Variants in CLVS1 observed in about 807,000 individuals in gnomAD.
CLVS1 encodes clavesin 1.
A neutral mutation model predicts 33.1 loss-of-function variants in CLVS1; 10 were observed. The ratio of observed to expected loss-of-function variants is 0.30; its 90% CI spans 0.19 to 0.51. The LOEUF is 0.51. CLVS1 is among the 20% of genes least tolerant of loss of function. CLVS1 has a pLI of 0.97. For missense variants in CLVS1, 343 were observed against 433.4 expected (o/e 0.79, Z 1.85); for synonymous variants, 163 against 166.1 (o/e 0.98, Z 0.14).
chr8:60,974,379 T>G, the CLVS1 span, among the ~76,000 whole-genome samples: 4 of 152,214 alleles, frequency 2.6e-5, no homozygotes, highest in Non-Finnish European at 5.9e-5. Flanking sequence ...TCCCAGATCT[T>G]TGGGGAATCA....
chr8:61,038,553 G>C, the CLVS1 span, among the ~76,000 whole-genome samples: 2 of 151,588 alleles, frequency 1.3e-5, no homozygotes, highest in African/African-American at 4.9e-5. Context: ...CTTAAGTCAG[G>C]CAATTTTATA....
upstream of CLVS1, among the ~76,000 whole-genome samples, chr8:61,055,427 C>T (rs757282432): frequency 2.6e-5 from 4 of 152,214 alleles, no homozygotes; most frequent in South Asian, 6.2e-4. Context: ...ACATAAAAAC[C>T]GTATCATTCA....
the CLVS1 span, among the ~76,000 whole-genome samples, chr8:61,027,127 T>A: frequency 6.6e-6 from 1 of 152,070 alleles, no homozygotes; most frequent in Admixed American, 6.5e-5. Flanking sequence ...CTCATGCCTA[T>A]CCCAATAGGG....
At chr8:61,201,102 C>A (rs1422064320) in intron 2 of CLVS1, among the ~76,000 whole-genome samples, 2 of 152,162 alleles carry the variant, frequency 1.3e-5, no homozygotes, top group African/African-American at 2.4e-5. Flanking sequence ...ACACACAAAG[C>A]AATTCCAGCA....
chr8:61,119,233 T>C (rs1049151286), intron 1 of CLVS1, among the ~76,000 whole-genome samples: 1 of 152,132 alleles, frequency 6.6e-6, no homozygotes, highest in African/African-American at 2.4e-5. Flanking sequence ...TGGTAGATCT[T>C]CCTCCATCCT....
At chr8:61,063,590 G>A (rs1804625256) in intron 1 of CLVS1, among the ~76,000 whole-genome samples, 1 of 152,166 alleles carries the variant, frequency 6.6e-6, no homozygotes, top group South Asian at 2.1e-4. Flanking sequence ...AAAGCCTAGT[G>A]GAGGTGAGGG....
intron 2 of CLVS1, among the ~76,000 whole-genome samples, chr8:61,307,085 A>G (rs923315392): frequency 1.3e-5 from 2 of 152,206 alleles, no homozygotes; most frequent in Non-Finnish European, 2.9e-5. Context: ...CAGATAATAA[A>G]AGCCCCAGAA....
At chr8:61,002,903 T>C in the CLVS1 span, among the ~76,000 whole-genome samples, 13 of 152,200 alleles carry the variant, frequency 8.5e-5, no homozygotes, top group Non-Finnish European at 1.8e-4. Context: ...TTTTGTGTCT[T>C]GGTCTAGTCT....
At chr8:61,038,093 G>A in the CLVS1 span, among the ~76,000 whole-genome samples, 1 of 152,170 alleles carries the variant, frequency 6.6e-6, no homozygotes, top group Non-Finnish European at 1.5e-5. Flanking sequence ...AGTTCTGACT[G>A]TGCTCCTAGT....
intron 5 of CLVS1, among the ~76,000 whole-genome samples, chr8:61,482,903 G>GAC (rs1803714657): frequency 3.3e-5 from 5 of 152,150 alleles, no homozygotes; most frequent in African/African-American, 1.2e-4. Context: ...TGAGAACAAA[G>GAC]ACACAACATA....
the CLVS1 span, among the ~76,000 whole-genome samples, chr8:61,051,384 C>T: frequency 1.8e-4 from 27 of 152,300 alleles, no homozygotes; most frequent in East Asian, 4.8e-3. Flanking sequence ...AAAATTGCTT[C>T]GGGTGTAGGG....
At chr8:61,244,184 A>AC (rs1563459896) in intron 2 of CLVS1, among the ~76,000 whole-genome samples, 1 of 149,670 alleles carries the variant, frequency 6.7e-6, no homozygotes, top group African/African-American at 2.5e-5. Flanking sequence ...AGGGCATTGC[A>AC]TTTTTTTTTT....
At chr8:61,464,628 C>T (rs141979693) in intron 5 of CLVS1, 2 of 152,154 alleles carry the variant, frequency 1.3e-5, no homozygotes, top group Non-Finnish European at 2.9e-5. Flanking sequence ...TTTGGCTGAC[C>T]CAGGGTTTGG....
At chr8:61,251,243 C>T (rs538157466) in intron 2 of CLVS1, among the ~76,000 whole-genome samples, 3 of 152,134 alleles carry the variant, frequency 2.0e-5, no homozygotes, top group Non-Finnish European at 4.4e-5. Context: ...GTTGAACCAG[C>T]CTTGCATCCC....
chr8:61,434,109 A>G (rs1816221248), intron 3 of CLVS1, among the ~76,000 whole-genome samples: 1 of 152,184 alleles, frequency 6.6e-6, no homozygotes, highest in Admixed American at 6.5e-5. Context: ...AGGGCTTTTA[A>G]TCTCTTCCAG....
intron 3 of CLVS1, among the ~76,000 whole-genome samples, chr8:61,388,385 T>C (rs1814169239): frequency 6.6e-6 from 1 of 151,114 alleles, no homozygotes; most frequent in African/African-American, 2.4e-5. Context: ...CACCTTGATA[T>C]CATATCTGTT....
At chr8:61,392,645 G>C (rs1043969475) in intron 3 of CLVS1, among the ~76,000 whole-genome samples, 3 of 151,846 alleles carry the variant, frequency 2.0e-5, no homozygotes, top group Admixed American at 1.3e-4. Context: ...ATCACTTGAG[G>C]GCAGGAGTTC....
At chr8:61,055,658 G>C (rs1052632083), upstream of CLVS1, among the ~76,000 whole-genome samples, 1 of 152,200 alleles carries the variant, frequency 6.6e-6, no homozygotes, top group African/African-American at 2.4e-5. Flanking sequence ...AAGCAGACAG[G>C]CCTTCCCTTC....
chr8:61,172,327 T>C (rs957465436), intron 2 of CLVS1, among the ~76,000 whole-genome samples: 2 of 152,134 alleles, frequency 1.3e-5, no homozygotes, highest in Non-Finnish European at 2.9e-5. Flanking sequence ...GTCCTTAGTT[T>C]GGTGTTGAAT....
Sources: gnomAD v4.1 joint callset for allele counts (sites outside exome capture counted in the v4.1 genomes callset) on GRCh38, gnomAD v4.1.1 for gene constraint, MANE v1.5 for transcripts, NCBI Gene and HGNC (gene_info 2026-07-23, HGNC 2026-07-21) for gene names.